Variants in ANKRD27 observed in about 807,000 individuals in gnomAD.
The protein encoded by ANKRD27 is ankyrin repeat domain 27, also known as ankyrin repeat domain-containing protein 27.
In ANKRD27, 112 loss-of-function variants were observed where a neutral mutation model predicts 129.7. The ratio of observed to expected loss-of-function variants is 0.86; its 90% CI spans 0.74 to 1.01. ANKRD27 has a LOEUF of 1.01. Ranked by LOEUF, ANKRD27 falls within the 50% of genes least tolerant of loss-of-function variation. The pLI is 0.00. For missense variants in ANKRD27, 1,258 were observed against 1,300.5 expected (o/e 0.97, Z 0.50); for synonymous variants, 516 against 511.2 (o/e 1.01, Z -0.13).
At chr19:32,669,887 C>T (rs1002591923) in intron 1 of ANKRD27, among the ~76,000 whole-genome samples, 6 of 151,468 alleles carry the variant, frequency 4.0e-5, no homozygotes, top group Non-Finnish European at 5.9e-5. Flanking sequence ...GTCCCAGCTA[C>T]TTGGAGGCTG....
chr19:32,660,412 G>A (rs1038779669), intron 1 of ANKRD27, among the ~76,000 whole-genome samples: 1 of 152,194 alleles, frequency 6.6e-6, no homozygotes, highest in Non-Finnish European at 1.5e-5. Context: ...GTGTGGTGGT[G>A]CATGCCTATA....
chr19:32,674,580 C>G (rs1967942808), intron 1 of ANKRD27, among the ~76,000 whole-genome samples: 1 of 152,018 alleles, frequency 6.6e-6, no homozygotes, highest in African/African-American at 2.4e-5. Context: ...GACCCCCCCG[C>G]CCTGCGAGAG....
chr19:32,672,906 T>C (rs2145333464), intron 1 of ANKRD27: 1 of 152,324 alleles, frequency 6.6e-6, no homozygotes, highest in East Asian at 1.9e-4. Flanking sequence ...GAATCCTTTC[T>C]AGGATTGGTA....
At chr19:32,598,432 C>T (rs560316864) in intron 28 of ANKRD27, 54 bp from the exon 29 acceptor site, 1 of 1,553,042 alleles carries the variant, frequency 6.4e-7, no homozygotes, top group East Asian at 2.2e-5. Context: ...CTGGAAGCCA[C>T]AACCATGACA....
chr19:32,640,062 C>T (rs376805689), intron 11 of ANKRD27, among the ~76,000 whole-genome samples: 13 of 152,190 alleles, frequency 8.5e-5, no homozygotes, highest in African/African-American at 2.6e-4. Context: ...CCTGGGTTCA[C>T]GCCATTCTCC....
chr19:32,646,597 T>C lies in ANKRD27; in HGVS notation c.232A>G (p.Asn78Asp). The change falls in exon 4 of 29, where the codon AAC becomes GAC. Residue 78 changes from asparagine (N) to aspartate (D), a missense_variant. Asn to Asp is a conservative substitution (Grantham distance 23, BLOSUM62 1). Transcript: ENST00000306065. ...AAACCAGCTCCTAATTTAATCCTGTTCCCTTGAATAAAGACATCCTGGAAA... is the reference window on the plus strand; with the variant it reads ...AAACCAGCTCCTAATTTAATCCTGTCCCCTTGAATAAAGACATCCTGGAAA... ...LNGKDVFIQG[N>D]RIKLGAGFAC... 6.2e-7 allele frequency: 1 copy of C among 1,612,956 alleles called. No individual in the cohort carries two copies. The highest frequency in any genetic ancestry group is 1.1e-5 in the South Asian group (1 of 90,984).
At position 32,625,243 on chromosome 19, in the gene ANKRD27, G is replaced by T. The variant is rs958194591; in HGVS notation, c.1629+631C>A. ...TGCACTCCAGCCTAGGTGCCAGAGT[G>T]AGGCCCTGTCTCAAAAATAAATAAT... is the stretch of plus-strand genomic sequence containing the variant. On this transcript the variant is annotated intron_variant, in intron 17 of 28. Coordinates refer to ENST00000306065, the MANE Select transcript of ANKRD27 (RefSeq NM_032139.3). 2.0e-5 allele frequency among the ~76,000 whole-genome samples: 3 copies of T among 152,134 alleles called. No homozygotes were observed. In the East Asian group the frequency reaches 5.8e-4, roughly 29 times the overall value.
At chr19:32,618,046 C>T in intron 20 of ANKRD27, among the ~76,000 whole-genome samples, 2 of 152,236 alleles carry the variant, frequency 1.3e-5, no homozygotes, top group Middle Eastern at 3.4e-3. Flanking sequence ...GCGTGAGCCA[C>T]CACGCCCGGC....
chr19:32,603,255 G>A (rs1283585021), intron 25 of ANKRD27, among the ~76,000 whole-genome samples: 2 of 152,086 alleles, frequency 1.3e-5, no homozygotes, highest in South Asian at 2.1e-4. Flanking sequence ...CCAAGATCAC[G>A]CCACAACAGA....
At chr19:32,615,858 A>G in intron 21 of ANKRD27, 78 bp from the exon 22 acceptor site, 1 of 1,541,574 alleles carries the variant, frequency 6.5e-7, no homozygotes, top group African/African-American at 1.4e-5. Flanking sequence ...ACACACCATC[A>G]ACCGTTCCCA....
intron 28 of ANKRD27, 118 bp downstream of exon 28, chr19:32,599,586 C>T: frequency 3.5e-6 from 3 of 866,116 alleles, no homozygotes; most frequent in South Asian, 1.7e-5. Flanking sequence ...CTGCTGCTAA[C>T]TCATACGGCG....
chr19:32,627,362 TTTTA>T (rs149637042), intron 15 of ANKRD27, among the ~76,000 whole-genome samples: 15,168 of 132,106 alleles, frequency 0.11, 1,423 homozygotes, highest in Admixed American at 0.23. Context: ...GTGCACTTTA[TTTTA>T]TTTATTTATT....
At chr19:32,629,920 A>G (rs529519042) in intron 13 of ANKRD27, among the ~76,000 whole-genome samples, 2 of 140,018 alleles carry the variant, frequency 1.4e-5, no homozygotes, top group South Asian at 4.6e-4. Context: ...TTATTTTTTT[A>G]GAAACAAGGT....
At chr19:32,625,409 G>T (rs1972073306) in intron 17 of ANKRD27, among the ~76,000 whole-genome samples, 3 of 151,362 alleles carry the variant, frequency 2.0e-5, no homozygotes, top group African/African-American at 7.3e-5. Flanking sequence ...ACTTCAATAT[G>T]GCATCTGTAA....
chr19:32,625,107 T>C (rs1159596734), intron 17 of ANKRD27, among the ~76,000 whole-genome samples: 2 of 151,532 alleles, frequency 1.3e-5, no homozygotes, highest in African/African-American at 4.9e-5. Context: ...AATACAAAAA[T>C]TAGCTGGGTG....
At position 32,649,717 on chromosome 19, in the gene ANKRD27, G is replaced by C; in HGVS notation, c.178C>G (p.Pro60Ala). 1.9e-6 allele frequency: 3 copies of C among 1,613,696 alleles called. No homozygotes were observed. Among genetic ancestry groups the C allele is most frequent in the Non-Finnish European group, 2.5e-6 (3 of 1,179,758 alleles). Residue 60 changes from proline (P) to alanine (A), a missense_variant, in exon 3 of 29, where the codon CCT becomes GCT. Transcript: ENST00000306065. Reference protein sequence around the residue: ...TCQFESYILIPVEEHFQTLNG... With the variant: ...TCQFESYILIAVEEHFQTLNG... ...AAGGTCTGAAAATGCTCTTCCACAG[G>C]TATCAAAATGTAGGACTCAAACTGA... is the stretch of plus-strand genomic sequence containing the variant.
chr19:32,656,103 G>GAAAGAAAGAAAGAAAGGAAAAGA (rs1555747136), intron 2 of ANKRD27, among the ~76,000 whole-genome samples: 13 of 123,690 alleles, frequency 1.1e-4, no homozygotes, highest in South Asian at 2.7e-4. Flanking sequence ...AAGAAAGAAA[G>GAAAGAAAGAAAGAAAGGAAAAGA]AAAGAAAAGA....
intron 1 of ANKRD27, among the ~76,000 whole-genome samples, chr19:32,663,688 T>C (rs935531236): frequency 6.6e-6 from 1 of 152,172 alleles, no homozygotes; most frequent in African/African-American, 2.4e-5. Context: ...TACTGTCACA[T>C]GTGAGAAATA....
chr19:32,623,878 G>A (rs1438638186), intron 17 of ANKRD27, among the ~76,000 whole-genome samples: 1 of 151,948 alleles, frequency 6.6e-6, no homozygotes, highest in African/African-American at 2.4e-5. Context: ...GCTCACCCCT[G>A]CTCTCCTCTC....
Sources: allele counts gnomAD v4.1 joint callset (sites outside exome capture counted in the v4.1 genomes callset), GRCh38; gene constraint gnomAD v4.1.1; transcripts MANE v1.5; gene names NCBI Gene and HGNC (gene_info 2026-07-23, HGNC 2026-07-21).